The following SEMA3E variants were observed in gnomAD, a reference collection of about 807,000 sequenced individuals.
SEMA3E encodes the protein semaphorin 3E.
A neutral mutation model predicts 93.6 loss-of-function variants in SEMA3E; 49 were observed. The ratio of observed to expected loss-of-function variants is 0.52; its 90% CI spans 0.42 to 0.66. The LOEUF is 0.66. SEMA3E is among the 30% of genes least tolerant of loss of function. The probability of loss-of-function intolerance (pLI) is 0.00; values close to 1 mark genes in which losing one functional copy is unlikely to be tolerated. For synonymous variants in SEMA3E, 363 were observed against 330.7 expected, an observed-to-expected ratio of 1.10 and a Z score of -1.06; for missense variants, 906 against 964.8, an observed-to-expected ratio of 0.94 and a Z score of 0.81.
At chr7:83,493,608 A>G (rs1277745586) in intron 1 of SEMA3E, among the ~76,000 whole-genome samples, 1 of 151,980 alleles carries the variant, frequency 6.6e-6, no homozygotes, top group Admixed American at 6.6e-5. Flanking sequence ...ATATAAAAAA[A>G]GAAAAATGCA....
intron 1 of SEMA3E, among the ~76,000 whole-genome samples, chr7:83,621,167 A>G (rs935500514): frequency 2.0e-5 from 3 of 152,096 alleles, no homozygotes; most frequent in Non-Finnish European, 4.4e-5. Flanking sequence ...CAAAATTAAT[A>G]TGCAAAATTT....
rs547637423 is a variant in SEMA3E at position 83,426,968 on chromosome 7, G to C, written c.457-8485C>G. Among the ~76,000 whole-genome samples, 239 of 151,928 alleles carry C rather than the reference G, an allele frequency of 1.6e-3. 1 individual carries two copies. Among genetic ancestry groups the C allele is most frequent in the African/African-American group, 4.3e-3 (179 of 41,452 alleles). On this transcript the variant is annotated intron_variant, in intron 4 of 16. Transcript: ENST00000643230. ...TATGATTTATGATGGACTCTTGCTAGGATTAATATATTAAAGTTTCTGTTT... is the reference window on the plus strand; with the variant it reads ...TATGATTTATGATGGACTCTTGCTACGATTAATATATTAAAGTTTCTGTTT...
intron 1 of SEMA3E, among the ~76,000 whole-genome samples, chr7:83,561,291 A>C (rs933119181): frequency 1.3e-5 from 2 of 152,092 alleles, no homozygotes; most frequent in Non-Finnish European, 2.9e-5. Context: ...ATAATACTTG[A>C]GTTTATTCAA....
chr7:83,488,241 G>A (rs1409705675), intron 2 of SEMA3E, among the ~76,000 whole-genome samples: 3 of 151,996 alleles, frequency 2.0e-5, no homozygotes, highest in African/African-American at 4.8e-5. Flanking sequence ...AGAGGAGAAT[G>A]AAGAGAAGAA....
chr7:83,487,711 G>A (rs1258676358), intron 2 of SEMA3E, among the ~76,000 whole-genome samples: 4 of 138,808 alleles, frequency 2.9e-5, no homozygotes, highest in Admixed American at 7.3e-5. Context: ...GTGTGTGTGT[G>A]TGTGTATTTT....
intron 5 of SEMA3E, among the ~76,000 whole-genome samples, chr7:83,414,423 C>T (rs1788502304): frequency 6.6e-6 from 1 of 151,982 alleles, no homozygotes; most frequent in Admixed American, 6.6e-5. Context: ...CCCATTCATT[C>T]AATTGACATT....
At chr7:83,642,617 G>A (rs1242898232) in intron 1 of SEMA3E, among the ~76,000 whole-genome samples, 1 of 151,900 alleles carries the variant, frequency 6.6e-6, no homozygotes, top group Non-Finnish European at 1.5e-5. Context: ...TAACACTGAT[G>A]TTTTCTCTTA....
chr7:83,425,296 C>A (rs576616747), intron 4 of SEMA3E, among the ~76,000 whole-genome samples: 1 of 152,222 alleles, frequency 6.6e-6, no homozygotes, highest in African/African-American at 2.4e-5. Context: ...AAGCCCCAAA[C>A]TATTGTTCTA....
At chr7:83,511,683 G>A (rs559248778) in intron 1 of SEMA3E, among the ~76,000 whole-genome samples, 15 of 152,038 alleles carry the variant, frequency 9.9e-5, no homozygotes, top group Non-Finnish European at 2.1e-4. Context: ...TCAGGGGTTC[G>A]AGACCAGCCT....
chr7:83,397,754 A>C (rs1788153539), intron 11 of SEMA3E, among the ~76,000 whole-genome samples: 1 of 152,158 alleles, frequency 6.6e-6, no homozygotes, highest in African/African-American at 2.4e-5. Flanking sequence ...GAACACTTTG[A>C]ATTTCTTCTC....
intron 1 of SEMA3E, among the ~76,000 whole-genome samples, chr7:83,530,570 T>G (rs1005590236): frequency 2.6e-5 from 4 of 152,270 alleles, no homozygotes; most frequent in Admixed American, 2.0e-4. Flanking sequence ...CCAATATATA[T>G]TCTTTTTAAA....
At chr7:83,639,136 A>AAAAAAAAAAAAAAAAC (rs1562866057) in intron 1 of SEMA3E, among the ~76,000 whole-genome samples, 5 of 132,144 alleles carry the variant, frequency 3.8e-5, no homozygotes, top group African/African-American at 1.4e-4. Context: ...AAAAAAAAAA[A>AAAAAAAAAAAAAAAAC]AAAACAGAGA....
chr7:83,541,638 C>A (rs923172450), intron 1 of SEMA3E, among the ~76,000 whole-genome samples: 22 of 152,204 alleles, frequency 1.4e-4, no homozygotes, highest in Non-Finnish European at 2.2e-4. Context: ...TTTGGCTTAA[C>A]TTTGCCCTCT....
chr7:83,421,958 A>G (rs1295758005), intron 4 of SEMA3E, among the ~76,000 whole-genome samples: 1 of 152,106 alleles, frequency 6.6e-6, no homozygotes, highest in Non-Finnish European at 1.5e-5. Flanking sequence ...AAGGCACATC[A>G]CCTGAGGTTG....
chr7:83,537,375 G>C (rs943400868), intron 1 of SEMA3E, among the ~76,000 whole-genome samples: 1 of 152,128 alleles, frequency 6.6e-6, no homozygotes, highest in African/African-American at 2.4e-5. Flanking sequence ...AATCCCTAGA[G>C]CAGTGGTCTT....
At chr7:83,545,044 G>C (rs1791616214) in intron 1 of SEMA3E, among the ~76,000 whole-genome samples, 1 of 151,966 alleles carries the variant, frequency 6.6e-6, no homozygotes, top group African/African-American at 2.4e-5. Context: ...TAATGAACCA[G>C]CAACAGAAAT....
At chr7:83,534,468 CTT>C (rs746296414) in intron 1 of SEMA3E, among the ~76,000 whole-genome samples, 18 of 152,034 alleles carry the variant, frequency 1.2e-4, no homozygotes, top group Middle Eastern at 6.8e-3. Flanking sequence ...ATTTTTGTCT[CTT>C]ATTGTATCTT....
At chr7:83,647,755 G>C (rs1460278153) in intron 1 of SEMA3E, among the ~76,000 whole-genome samples, 1 of 152,166 alleles carries the variant, frequency 6.6e-6, no homozygotes, top group Non-Finnish European at 1.5e-5. Context: ...ACAAATGCTA[G>C]TGAATACTAA....
chr7:83,593,284 CTGTGTGTGTGTGTGTGTG>C (rs66605514), intron 1 of SEMA3E, among the ~76,000 whole-genome samples: 11,658 of 116,840 alleles, frequency 0.1, 709 homozygotes, highest in South Asian at 0.2. Context: ...CTCTCTCTCT[CTGTGTGTGTGTGTGTGTG>C]TGTGTGTGTG....
Sources: allele counts gnomAD v4.1 joint callset (sites outside exome capture counted in the v4.1 genomes callset), GRCh38; gene constraint gnomAD v4.1.1; transcripts MANE v1.5; gene names NCBI Gene and HGNC (gene_info 2026-07-23, HGNC 2026-07-21).